ZNF469: variants seen among roughly 807,000 people sequenced by gnomAD.
The protein encoded by ZNF469 is zinc finger protein 469.
ZNF469 carries 1 observed loss-of-function variant against 1.0 expected under a neutral mutation model. That is an observed-to-expected ratio of 1.00 (90% CI 0.35 to 4.73). The LOEUF is 4.73. Among genes scored for constraint, ZNF469 ranks in the 30% most tolerant of loss-of-function variants. The pLI is 0.16. For missense variants in ZNF469, 6,100 were observed against 5,356.3 expected (o/e 1.14, Z -4.33); for synonymous variants, 2,703 against 2,363.4 (o/e 1.14, Z -4.17).
intron 1 of ZNF469, among the ~76,000 whole-genome samples, chr16:88,388,466 G>T (rs909671167): frequency 6.6e-6 from 1 of 151,960 alleles, no homozygotes; most frequent in Non-Finnish European, 1.5e-5. Context: ...GGGGTTTTCC[G>T]CATTCCTCCG....
At chr16:88,310,392 T>G in the ZNF469 span, among the ~76,000 whole-genome samples, 1 of 147,670 alleles carries the variant, frequency 6.8e-6, no homozygotes, top group African/African-American at 2.5e-5. Context: ...AGGGTGTGCC[T>G]GGGGCTCTGG....
intron 1 of ZNF469, among the ~76,000 whole-genome samples, chr16:88,404,450 G>C (rs1904971017): frequency 2.0e-5 from 3 of 152,230 alleles, no homozygotes; most frequent in Admixed American, 6.5e-5. Context: ...GTTGGTTCGA[G>C]GTTGTCCACC....
At chr16:88,187,823 A>T in the ZNF469 span, among the ~76,000 whole-genome samples, 2 of 151,620 alleles carry the variant, frequency 1.3e-5, no homozygotes, top group Admixed American at 6.6e-5. Flanking sequence ...AACGAGTCTC[A>T]ACTCTTAGTT....
the ZNF469 span, among the ~76,000 whole-genome samples, chr16:88,127,544 T>G: frequency 1.7e-3 from 265 of 152,264 alleles, 2 homozygotes; most frequent in African/African-American, 5.9e-3. Flanking sequence ...GTGAACAGCA[T>G]TCTGGGGCGG....
At chr16:88,113,617 G>A in the ZNF469 span, among the ~76,000 whole-genome samples, 3 of 152,296 alleles carry the variant, frequency 2.0e-5, no homozygotes, top group Middle Eastern at 3.4e-3. Flanking sequence ...AGTTACCTCC[G>A]CAGACTGTGG....
At chr16:88,326,412 A>G in the ZNF469 span, among the ~76,000 whole-genome samples, 16 of 152,150 alleles carry the variant, frequency 1.1e-4, no homozygotes, top group African/African-American at 3.9e-4. Flanking sequence ...TTTCTTTTGT[A>G]AGTTGCCCAA....
chr16:88,223,641 C>T, the ZNF469 span, among the ~76,000 whole-genome samples: 5 of 152,164 alleles, frequency 3.3e-5, no homozygotes, highest in Non-Finnish European at 7.3e-5. Context: ...TGCCTGAAGC[C>T]GTGCCTGGTG....
At chr16:88,223,904 C>G in the ZNF469 span, among the ~76,000 whole-genome samples, 1 of 152,222 alleles carries the variant, frequency 6.6e-6, no homozygotes, top group Non-Finnish European at 1.5e-5. Flanking sequence ...ACGCTCAGCA[C>G]CGCGTCCCGC....
the ZNF469 span, among the ~76,000 whole-genome samples, chr16:88,319,976 C>T: frequency 1.3e-4 from 20 of 152,352 alleles, no homozygotes; most frequent in East Asian, 1.4e-3. Context: ...GGCATCTCCC[C>T]GGCCTGAAGC....
At chr16:88,387,453 C>G (rs556450436) in intron 1 of ZNF469, among the ~76,000 whole-genome samples, 1 of 152,278 alleles carries the variant, frequency 6.6e-6, no homozygotes, top group South Asian at 2.1e-4. Flanking sequence ...CAAAGCATGC[C>G]CCACCCCCTT....
Position 88,428,516 on chromosome 16 carries a change from G to C in ZNF469, c.1046G>C (p.Ser349Thr). ...CAGCCAGGTGGCCTGAACCGCCACA[G>C]CGACCTCAGTGGTGCCCTCTCTTCC... ...QGQPGGLNRHSDLSGALSSPG... is the reference protein window; with the variant it reads ...QGQPGGLNRHTDLSGALSSPG... Residue 349 changes from serine (S) to threonine (T), a missense_variant, in exon 3 of 3, where the codon AGC (serine) becomes ACC (threonine). Physicochemically the swap from Ser to Thr is moderately conservative, Grantham distance 58. Transcript: ENST00000565624. 6.5e-7 allele frequency: 1 copy of C among 1,549,942 alleles called. No individual in the cohort carries two copies. Among genetic ancestry groups the C allele is most frequent in the Non-Finnish European group, 8.7e-7 (1 of 1,146,822 alleles).
the ZNF469 span, among the ~76,000 whole-genome samples, chr16:88,165,786 C>A: frequency 4.6e-5 from 7 of 152,162 alleles, no homozygotes; most frequent in South Asian, 1.5e-3. Context: ...CCCCGCTTTC[C>A]CTGCCCCAGC....
intron 1 of ZNF469, among the ~76,000 whole-genome samples, chr16:88,407,232 C>CAGAG (rs1555516838): frequency 3.9e-5 from 6 of 152,222 alleles, no homozygotes; most frequent in African/African-American, 9.6e-5. Context: ...GGTGGGAGCT[C>CAGAG]CTGCGTCACT....
At chr16:88,396,840 A>C (rs1385827696) in intron 1 of ZNF469, among the ~76,000 whole-genome samples, 1 of 120,636 alleles carries the variant, frequency 8.3e-6, no homozygotes, top group Non-Finnish European at 1.7e-5. Context: ...GGAAGCCTGG[A>C]GGAGACCCTC....
At chr16:88,264,518 C>T in the ZNF469 span, among the ~76,000 whole-genome samples, 77,828 of 145,808 alleles carry the variant, frequency 0.53, 22,729 homozygotes, top group East Asian at 0.75. Flanking sequence ...AGCCATGGCA[C>T]CTTCCAATAC....
the ZNF469 span, among the ~76,000 whole-genome samples, chr16:88,181,832 C>T: frequency 6.6e-6 from 1 of 152,180 alleles, no homozygotes; most frequent in Admixed American, 6.5e-5. Flanking sequence ...GAAACAAAGT[C>T]AGAATGTCAC....
intron 1 of ZNF469, among the ~76,000 whole-genome samples, chr16:88,409,581 G>T (rs1030899372): frequency 3.3e-5 from 5 of 152,184 alleles, no homozygotes; most frequent in African/African-American, 7.2e-5. Flanking sequence ...GGTCCTGGGT[G>T]TTCAGGATGG....
chr16:88,143,060 G>A, the ZNF469 span, among the ~76,000 whole-genome samples: 3 of 152,166 alleles, frequency 2.0e-5, no homozygotes, highest in Non-Finnish European at 2.9e-5. Context: ...GAGGAGACAG[G>A]CTGAGATGGG....
At chr16:88,185,539 C>G in the ZNF469 span, among the ~76,000 whole-genome samples, 1 of 128,770 alleles carries the variant, frequency 7.8e-6, no homozygotes, top group South Asian at 2.3e-4. Flanking sequence ...AGACCCACAC[C>G]CACTCACATT....
Sources: allele counts gnomAD v4.1 joint callset (sites outside exome capture counted in the v4.1 genomes callset), GRCh38; gene constraint gnomAD v4.1.1; transcripts MANE v1.5; gene names NCBI Gene and HGNC (gene_info 2026-07-23, HGNC 2026-07-21).